The following FAM53A variants were observed in gnomAD, a reference collection of about 807,000 sequenced individuals.
The protein encoded by FAM53A is protein FAM53A.
In FAM53A, 28 loss-of-function variants were observed where a neutral mutation model predicts 26.6. That is an observed-to-expected ratio of 1.05 (90% CI 0.78 to 1.45). The LOEUF is 1.45. Among genes scored for constraint, FAM53A ranks in the 40% most tolerant of loss-of-function variants. The pLI, the probability that FAM53A is intolerant of heterozygous loss-of-function variation, is 0.00. For synonymous variants in FAM53A, 290 were observed against 253.1 expected (o/e 1.15, Z -1.38); for missense variants, 650 against 575.8 (o/e 1.13, Z -1.32).
At chr4:1,597,000 C>T in the FAM53A span, among the ~76,000 whole-genome samples, 1 of 152,094 alleles carries the variant, frequency 6.6e-6, no homozygotes, top group Non-Finnish European at 1.5e-5. Flanking sequence ...CCTCCAGCAT[C>T]GCATCTCCCC....
chr4:1,636,049 T>G (rs2108785582), downstream of FAM53A, among the ~76,000 whole-genome samples: 1 of 152,060 alleles, frequency 6.6e-6, no homozygotes, highest in Middle Eastern at 3.4e-3. Flanking sequence ...GGGTTTCACC[T>G]TGGTAGCCAG....
intron 4 of FAM53A, among the ~76,000 whole-genome samples, chr4:1,649,483 C>G (rs185666861): frequency 5.6e-4 from 85 of 152,366 alleles, no homozygotes; most frequent in African/African-American, 2.0e-3. Flanking sequence ...CCTCCTCCCA[C>G]TGAGTAAGGG....
At chr4:1,598,704 G>A in the FAM53A span, among the ~76,000 whole-genome samples, 1 of 152,196 alleles carries the variant, frequency 6.6e-6, no homozygotes, top group Non-Finnish European at 1.5e-5. Context: ...CTTACACTGA[G>A]ACAGGACATT....
At chr4:1,638,449 C>G (rs925733397), downstream of FAM53A, among the ~76,000 whole-genome samples, 6 of 152,168 alleles carry the variant, frequency 3.9e-5, no homozygotes, top group African/African-American at 1.4e-4. Flanking sequence ...CACCCTACAT[C>G]AAGGGCACCG....
chr4:1,648,614 G>A (rs1288905371), intron 4 of FAM53A, among the ~76,000 whole-genome samples: 1 of 152,174 alleles, frequency 6.6e-6, no homozygotes, highest in East Asian at 1.9e-4. Flanking sequence ...GATGACTACG[G>A]TCACACTGAA....
At chr4:1,593,036 C>T in the FAM53A span, among the ~76,000 whole-genome samples, 1 of 152,336 alleles carries the variant, frequency 6.6e-6, no homozygotes, top group Non-Finnish European at 1.5e-5. Flanking sequence ...CCCCAGTGCC[C>T]AGGGCCGAGG....
the FAM53A span, among the ~76,000 whole-genome samples, chr4:1,609,218 T>G: frequency 6.6e-6 from 1 of 151,960 alleles, no homozygotes; most frequent in South Asian, 2.1e-4. Context: ...TCCCCCACTC[T>G]CAGAAACAGA....
the FAM53A span, among the ~76,000 whole-genome samples, chr4:1,576,191 C>A: frequency 9.9e-5 from 15 of 152,210 alleles, no homozygotes; most frequent in African/African-American, 3.6e-4. Flanking sequence ...TCATAAAGAT[C>A]CCATTTAATC....
chr4:1,657,047 C>T (rs1048422222), intron 3 of FAM53A, among the ~76,000 whole-genome samples: 1 of 152,240 alleles, frequency 6.6e-6, no homozygotes, highest in Non-Finnish European at 1.5e-5. Context: ...CCATGGCACG[C>T]TCCAGCTGAC....
chr4:1,637,617 G>T (rs1001782236), downstream of FAM53A, among the ~76,000 whole-genome samples: 5 of 150,914 alleles, frequency 3.3e-5, no homozygotes, highest in African/African-American at 1.2e-4. Context: ...AGAGGGGGAG[G>T]GCTGGGGGCA....
chr4:1,673,596 G>T (rs1271477217), intron 1 of FAM53A, among the ~76,000 whole-genome samples: 1 of 152,218 alleles, frequency 6.6e-6, no homozygotes, highest in African/African-American at 2.4e-5. Flanking sequence ...AGCTGGGTGT[G>T]ATGGCGCACA....
the FAM53A span, among the ~76,000 whole-genome samples, chr4:1,604,087 C>G: frequency 6.6e-6 from 1 of 152,220 alleles, no homozygotes; most frequent in East Asian, 1.9e-4. Flanking sequence ...GTGGTCCAGG[C>G]AGGGTGCCTG....
intron 1 of FAM53A, among the ~76,000 whole-genome samples, chr4:1,681,246 G>T (rs1008575368): frequency 6.6e-6 from 1 of 151,482 alleles, no homozygotes; most frequent in African/African-American, 2.4e-5. Context: ...GCAGGCACCC[G>T]CCACCACATC....
chr4:1,635,199 G>C (rs190123787), downstream of FAM53A, among the ~76,000 whole-genome samples: 415 of 152,264 alleles, frequency 2.7e-3, 2 homozygotes, highest in Middle Eastern at 0.01. Flanking sequence ...ACTTTTGCCA[G>C]TTATTTGGTC....
chr4:1,619,318 C>A (rs1227324163), intron 1 of FAM53A, among the ~76,000 whole-genome samples: 2 of 152,220 alleles, frequency 1.3e-5, no homozygotes, highest in Admixed American at 1.3e-4. Flanking sequence ...CACGCACTGC[C>A]AGGGCGGCCA....
the FAM53A span, among the ~76,000 whole-genome samples, chr4:1,584,914 C>A: frequency 6.6e-6 from 1 of 152,336 alleles, no homozygotes; most frequent in African/African-American, 2.4e-5. Flanking sequence ...AGGAGACAGA[C>A]TTCACCTTTC....
the FAM53A span, among the ~76,000 whole-genome samples, chr4:1,610,576 T>G: frequency 6.8e-6 from 1 of 147,994 alleles, no homozygotes; most frequent in Non-Finnish European, 1.5e-5. Context: ...GGGAGGGCAG[T>G]GGGGGTGGCC....
chr4:1,627,642 G>A (rs1016597445), intron 1 of FAM53A, among the ~76,000 whole-genome samples: 5 of 152,198 alleles, frequency 3.3e-5, no homozygotes, highest in African/African-American at 9.7e-5. Flanking sequence ...CAGAGACAGT[G>A]TCCACACTGG....
the FAM53A span, among the ~76,000 whole-genome samples, chr4:1,591,137 T>C: frequency 6.6e-6 from 1 of 151,820 alleles, no homozygotes; most frequent in African/African-American, 2.4e-5. Flanking sequence ...TGGGTGTACA[T>C]ATTTGCCTGG....
Sources: allele counts gnomAD v4.1 joint callset (sites outside exome capture counted in the v4.1 genomes callset), GRCh38; gene constraint gnomAD v4.1.1; transcripts MANE v1.5; gene names NCBI Gene and HGNC (gene_info 2026-07-23, HGNC 2026-07-21).